MCC: variants seen among roughly 807,000 people sequenced by gnomAD.
MCC encodes the protein MCC regulator of Wnt signaling pathway.
MCC carries 90 observed loss-of-function variants against 116.2 expected under a neutral mutation model. The ratio of observed to expected loss-of-function variants is 0.77; its 90% CI spans 0.65 to 0.92. MCC has a LOEUF of 0.92. MCC is among the 40% of genes least tolerant of loss of function. The probability of loss-of-function intolerance (pLI) is 0.00; values close to 1 mark genes in which losing one functional copy is unlikely to be tolerated. For missense variants in MCC, 1,516 were observed against 1,312.2 expected (o/e 1.16, Z -2.40); for synonymous variants, 578 against 510.5 (o/e 1.13, Z -1.78).
intron 3 of MCC, among the ~76,000 whole-genome samples, chr5:113,172,167 T>C (rs1761105080): frequency 6.6e-6 from 1 of 152,102 alleles, no homozygotes; most frequent in Non-Finnish European, 1.5e-5. Flanking sequence ...GCTCACACAA[T>C]CCAGGCACCT....
At chr5:113,038,568 T>C (rs976821213) in intron 17 of MCC, among the ~76,000 whole-genome samples, 2 of 152,082 alleles carry the variant, frequency 1.3e-5, no homozygotes, top group Admixed American at 6.5e-5. Flanking sequence ...ATTTTACAGA[T>C]AGCTGTAAGT....
rs376365576 is a variant in MCC at position 113,053,119 on chromosome 5, A to G, written c.2448+606T>C. Among the ~76,000 whole-genome samples the G allele has an allele frequency of 4.6e-5, 7 of 152,306 alleles. No homozygotes were observed. In the East Asian group the frequency reaches 1.4e-3, roughly 29 times the overall value. Reference sequence around the variant, plus strand: ...GTTTAACTACTTCCCAGTAGGGGACACCAGCTTTCCAAGAAAGCTCCCTTC... The same window carrying G: ...GTTTAACTACTTCCCAGTAGGGGACGCCAGCTTTCCAAGAAAGCTCCCTTC... On this transcript the variant is annotated intron_variant, in intron 15 of 18. Coordinates refer to ENST00000408903, the MANE Select transcript of MCC (RefSeq NM_001085377.2).
chr5:113,196,291 G>C (rs1330680832), intron 3 of MCC, among the ~76,000 whole-genome samples: 1 of 152,204 alleles, frequency 6.6e-6, no homozygotes, highest in East Asian at 1.9e-4. Flanking sequence ...CATGACCTGG[G>C]TCACAGTCAG....
At chr5:113,419,788 G>C (rs10074538) in intron 1 of MCC, among the ~76,000 whole-genome samples, 1 of 146,716 alleles carries the variant, frequency 6.8e-6, no homozygotes, top group Non-Finnish European at 1.5e-5. Context: ...ACCAAACACC[G>C]CATGTTCTCA....
chr5:113,117,906 C>T (rs1757485814), intron 6 of MCC, among the ~76,000 whole-genome samples: 1 of 152,176 alleles, frequency 6.6e-6, no homozygotes, highest in African/African-American at 2.4e-5. Flanking sequence ...ACAGCTGCTC[C>T]CTAATTCCCC....
At chr5:113,171,408 T>A (rs577802509) in intron 3 of MCC, among the ~76,000 whole-genome samples, 149 of 151,414 alleles carry the variant, frequency 9.8e-4, no homozygotes, top group African/African-American at 3.4e-3. Context: ...TAGGCTAGAG[T>A]GTAGTGCCAC....
chr5:113,461,073 A>G (rs1771729080), intron 1 of MCC, among the ~76,000 whole-genome samples: 1 of 152,226 alleles, frequency 6.6e-6, no homozygotes, highest in Non-Finnish European at 1.5e-5. Context: ...AGCCTGGGCA[A>G]AATAGTGAGA....
rs375541664 is a variant in MCC at position 113,385,190 on chromosome 5, G to A, written c.193C>T (p.Arg65Cys). Reference sequence around the variant, plus strand: ...ACAGACTCTTCCATATTCAGCTGGCGACAGACCATTAGCAAGTCATTTCTG... The same window carrying A: ...ACAGACTCTTCCATATTCAGCTGGCAACAGACCATTAGCAAGTCATTTCTG... Reference protein sequence around the residue: ...ISRNDLLMVCRQLNMEESVAE... With the variant: ...ISRNDLLMVCCQLNMEESVAE... The change falls in exon 2 of 19, where the codon CGC (arginine) becomes TGC (cysteine). Residue 65 changes from arginine to cysteine, a missense_variant. By Grantham distance (180) the Arg-to-Cys change is radical. Transcript: ENST00000408903. 3.1e-6 allele frequency: 5 copies of A among 1,613,858 alleles called. No homozygotes were observed. Among genetic ancestry groups the A allele is most frequent in the Non-Finnish European group, 2.5e-6 (3 of 1,179,972 alleles).
intron 1 of MCC, among the ~76,000 whole-genome samples, chr5:113,413,781 C>T (rs1770062253): frequency 6.6e-6 from 1 of 152,106 alleles, no homozygotes; most frequent in Non-Finnish European, 1.5e-5. Context: ...TTCAGTTCTG[C>T]TCTGATCTTA....
chr5:113,047,864 A>G (rs1052891734), intron 16 of MCC, among the ~76,000 whole-genome samples: 2 of 151,102 alleles, frequency 1.3e-5, no homozygotes, highest in Admixed American at 6.6e-5. Context: ...GGGGGCTGAT[A>G]AAAGAGTGAG....
chr5:113,470,344 G>C (rs1228834328), intron 1 of MCC, among the ~76,000 whole-genome samples: 1 of 151,866 alleles, frequency 6.6e-6, no homozygotes, highest in Non-Finnish European at 1.5e-5. Flanking sequence ...CATGTTTAGT[G>C]CTTCCTTCAG....
At chr5:113,477,565 G>A (rs569371863) in intron 1 of MCC, among the ~76,000 whole-genome samples, 150 of 152,316 alleles carry the variant, frequency 9.8e-4, no homozygotes, top group Non-Finnish European at 1.8e-3. Flanking sequence ...ATATGCTGCA[G>A]AACAGGAGGG....
chr5:113,387,151 C>T (rs191741065), intron 1 of MCC, among the ~76,000 whole-genome samples: 404 of 152,178 alleles, frequency 2.7e-3, no homozygotes, highest in African/African-American at 9.2e-3. Flanking sequence ...TAGCCTGGGT[C>T]TCAAAACAAG....
chr5:113,269,488 C>A (rs1322347966), intron 3 of MCC, among the ~76,000 whole-genome samples: 1 of 152,140 alleles, frequency 6.6e-6, no homozygotes, highest in African/African-American at 2.4e-5. Flanking sequence ...ATTGTGGTAG[C>A]CTTCTAAATC....
intron 2 of MCC, among the ~76,000 whole-genome samples, chr5:113,378,000 G>T (rs1192924590): frequency 1.3e-5 from 2 of 152,106 alleles, no homozygotes; most frequent in Admixed American, 6.5e-5. Context: ...ATGCTCACTG[G>T]GCAGTATTTT....
At chr5:113,186,718 A>G (rs1323216514) in intron 3 of MCC, among the ~76,000 whole-genome samples, 1 of 152,204 alleles carries the variant, frequency 6.6e-6, no homozygotes, top group Non-Finnish European at 1.5e-5. Context: ...AAAAAGCTTC[A>G]AGCCTATGTA....
intron 3 of MCC, among the ~76,000 whole-genome samples, chr5:113,283,500 A>G (rs1320469947): frequency 6.6e-6 from 1 of 152,262 alleles, no homozygotes; most frequent in African/African-American, 2.4e-5. Context: ...TAGGATAGCT[A>G]CAATCAAAAA....
chr5:113,432,109 C>G (rs1467709830), intron 1 of MCC, among the ~76,000 whole-genome samples: 1 of 151,754 alleles, frequency 6.6e-6, no homozygotes, highest in Non-Finnish European at 1.5e-5. Context: ...GCACTCCAGC[C>G]TGGAGATAGA....
intron 3 of MCC, among the ~76,000 whole-genome samples, chr5:113,251,099 G>A (rs953208666): frequency 2.6e-5 from 4 of 152,092 alleles, no homozygotes; most frequent in Non-Finnish European, 4.4e-5. Context: ...TCCACACATC[G>A]TAACTGTTCA....
Sources: gnomAD v4.1 joint callset for allele counts (sites outside exome capture counted in the v4.1 genomes callset) on GRCh38, gnomAD v4.1.1 for gene constraint, MANE v1.5 for transcripts, NCBI Gene and HGNC (gene_info 2026-07-23, HGNC 2026-07-21) for gene names.